The following SDK1 variants were observed in gnomAD, a reference collection of about 807,000 sequenced individuals.
SDK1 encodes protein sidekick-1.
Under a neutral mutation model 245.5 loss-of-function variants are expected in SDK1, and 157 were observed. The observed-to-expected ratio is 0.64, with a 90% CI of 0.56 to 0.73. The LOEUF (loss-of-function observed/expected upper bound fraction) is 0.73, where lower values mean the gene tolerates loss of function less well. SDK1 is among the 30% of genes least tolerant of loss of function. The pLI, the probability that SDK1 is intolerant of heterozygous loss-of-function variation, is 0.00. For missense variants in SDK1, 3,583 were observed against 3,002.3 expected (o/e 1.19, Z -4.52); for synonymous variants, 1,647 against 1,278.5 (o/e 1.29, Z -6.15).
intron 4 of SDK1, among the ~76,000 whole-genome samples, chr7:3,695,020 A>G (rs905187897): frequency 7.2e-5 from 11 of 152,222 alleles, no homozygotes; most frequent in Non-Finnish European, 1.5e-4. Flanking sequence ...GAAAGCAGGT[A>G]TAAAGGTGTT....
At chr7:3,432,208 T>G (rs1177162994) in intron 1 of SDK1, among the ~76,000 whole-genome samples, 1 of 151,100 alleles carries the variant, frequency 6.6e-6, no homozygotes, top group African/African-American at 2.4e-5. Flanking sequence ...GGGGTGAACT[T>G]TTTCCAGGTT....
At chr7:3,627,506 C>T (rs1782157289) in intron 2 of SDK1, among the ~76,000 whole-genome samples, 1 of 152,194 alleles carries the variant, frequency 6.6e-6, no homozygotes, top group Non-Finnish European at 1.5e-5. Flanking sequence ...TAGGAAGAGT[C>T]ACTGCATGTT....
intron 22 of SDK1, among the ~76,000 whole-genome samples, chr7:4,108,644 A>T (rs1000843482): frequency 2.0e-5 from 3 of 152,108 alleles, no homozygotes; most frequent in African/African-American, 7.2e-5. Flanking sequence ...GTCATTCTAC[A>T]TTTCATTTTA....
At chr7:3,776,096 A>C (rs1780552194) in intron 4 of SDK1, among the ~76,000 whole-genome samples, 2 of 152,244 alleles carry the variant, frequency 1.3e-5, no homozygotes, top group Admixed American at 1.3e-4. Context: ...CTGGAGTCAG[A>C]AATATGATAG....
intron 5 of SDK1, among the ~76,000 whole-genome samples, chr7:3,913,536 A>G (rs1048289734): frequency 5.3e-5 from 8 of 151,424 alleles, no homozygotes; most frequent in Non-Finnish European, 8.8e-5. Flanking sequence ...GTCGTGATCC[A>G]CCCGCCTCGG....
chr7:3,441,139 C>T (rs1562488137), intron 1 of SDK1, among the ~76,000 whole-genome samples: 1 of 152,144 alleles, frequency 6.6e-6, no homozygotes, highest in Non-Finnish European at 1.5e-5. Flanking sequence ...TATTTTGAGA[C>T]AGCCCATGTT....
intron 4 of SDK1, among the ~76,000 whole-genome samples, chr7:3,656,174 G>C (rs1562634901): frequency 6.6e-6 from 1 of 152,158 alleles, no homozygotes. Context: ...GTGATACCTT[G>C]TAAGTAGATA....
At chr7:3,357,846 C>T (rs1048667315) in intron 1 of SDK1, among the ~76,000 whole-genome samples, 12 of 152,120 alleles carry the variant, frequency 7.9e-5, no homozygotes, top group African/African-American at 2.4e-4. Context: ...TGTGATTAAG[C>T]GTATTTTCCC....
chr7:3,663,636 C>G (rs188119278), intron 4 of SDK1, among the ~76,000 whole-genome samples: 4 of 152,162 alleles, frequency 2.6e-5, no homozygotes, highest in African/African-American at 9.7e-5. Flanking sequence ...TTGTCCAGGA[C>G]TGTCCCAGTT....
chr7:4,015,546 C>G (rs891014862), intron 16 of SDK1, among the ~76,000 whole-genome samples: 9 of 152,162 alleles, frequency 5.9e-5, no homozygotes, highest in African/African-American at 2.2e-4. Flanking sequence ...AGCCTTTCTC[C>G]CAGTGGCCCA....
chr7:4,070,710 ATTTTT>A (rs60441124), intron 20 of SDK1, among the ~76,000 whole-genome samples: 1 of 143,886 alleles, frequency 6.9e-6, no homozygotes, highest in Non-Finnish European at 1.5e-5. Context: ...CACCTCTCAA[ATTTTT>A]TTTTTTTTTT....
chr7:3,995,346 A>G (rs1248383468), intron 14 of SDK1, among the ~76,000 whole-genome samples: 2 of 151,598 alleles, frequency 1.3e-5, no homozygotes, highest in African/African-American at 4.9e-5. Flanking sequence ...GTGCTACCCC[A>G]TCTCCTCCCC....
In SDK1 at chr7:3,477,925, C is replaced by T. The variant is rs191775372; in HGVS notation, c.299-141155C>T. Among the ~76,000 whole-genome samples the T allele has an allele frequency of 2.6e-5, 4 of 152,234 alleles. No homozygotes were observed. The East Asian group carries it at 5.8e-4, about 22-fold the overall frequency. ...TCACAGGTGTTTGAATCCTTACATACAGTGTTTTGTCCTATGGTGTGTGTT... is the reference window on the plus strand; with the variant it reads ...TCACAGGTGTTTGAATCCTTACATATAGTGTTTTGTCCTATGGTGTGTGTT... On this transcript the variant is annotated intron_variant, in intron 1 of 44. Coordinates refer to ENST00000404826, the MANE Select transcript of SDK1 (RefSeq NM_152744.4).
intron 32 of SDK1, among the ~76,000 whole-genome samples, chr7:4,165,145 G>T (rs1167790880): frequency 6.6e-6 from 1 of 152,040 alleles, no homozygotes; most frequent in Non-Finnish European, 1.5e-5. Flanking sequence ...GATCACCTGA[G>T]GTCAGGAGTT....
chr7:3,381,580 G>C (rs1453031252), intron 1 of SDK1, among the ~76,000 whole-genome samples: 1 of 152,146 alleles, frequency 6.6e-6, no homozygotes, highest in African/African-American at 2.4e-5. Context: ...CGATACTGTA[G>C]CATGCTTAGT....
chr7:3,415,495 A>G (rs953039913), intron 1 of SDK1, among the ~76,000 whole-genome samples: 7 of 152,096 alleles, frequency 4.6e-5, no homozygotes, highest in African/African-American at 1.7e-4. Flanking sequence ...AAAAACAATG[A>G]TGAGTGAATA....
chr7:3,419,636 T>A (rs1779482611), intron 1 of SDK1, among the ~76,000 whole-genome samples: 1 of 152,216 alleles, frequency 6.6e-6, no homozygotes, highest in Non-Finnish European at 1.5e-5. Context: ...CTAGTCATCT[T>A]TCACAATGTC....
intron 5 of SDK1, among the ~76,000 whole-genome samples, chr7:3,837,446 ATTC>A (rs1780053101): frequency 6.6e-6 from 1 of 152,160 alleles, no homozygotes; most frequent in Admixed American, 6.5e-5. Flanking sequence ...GGAGGGCTCT[ATTC>A]TTTGTTTTGG....
At chr7:3,571,683 C>T (rs996156221) in intron 1 of SDK1, among the ~76,000 whole-genome samples, 10 of 152,036 alleles carry the variant, frequency 6.6e-5, no homozygotes, top group African/African-American at 2.4e-4. Context: ...ACTATTTGAT[C>T]TAAAACCTTT....
Sources: gnomAD v4.1 joint callset for allele counts (sites outside exome capture counted in the v4.1 genomes callset) on GRCh38, gnomAD v4.1.1 for gene constraint, MANE v1.5 for transcripts, NCBI Gene and HGNC (gene_info 2026-07-23, HGNC 2026-07-21) for gene names.